Variants in BACH1 observed in about 807,000 individuals in gnomAD.
BACH1 encodes the protein BTB domain and CNC homolog 1.
A neutral mutation model predicts 52.9 loss-of-function variants in BACH1; 35 were observed. The ratio of observed to expected loss-of-function variants is 0.66; its 90% CI spans 0.51 to 0.88. The LOEUF is 0.88. Ranked by LOEUF, BACH1 falls within the 40% of genes least tolerant of loss-of-function variation. BACH1 has a pLI of 0.00. For missense variants in BACH1, 808 were observed against 872.6 expected (o/e 0.93, Z 0.93); for synonymous variants, 321 against 319.6 (o/e 1.00, Z -0.05).
chr21:29,313,173 A>T (rs1364492955), intron 1 of BACH1, among the ~76,000 whole-genome samples: 1 of 151,784 alleles, frequency 6.6e-6, no homozygotes, highest in Non-Finnish European at 1.5e-5. Context: ...ATACACTAAC[A>T]CTAACGATAG....
downstream of BACH1, among the ~76,000 whole-genome samples, chr21:29,350,099 G>A (rs916485559): frequency 6.6e-6 from 1 of 152,042 alleles, no homozygotes; most frequent in Non-Finnish European, 1.5e-5. Flanking sequence ...CTCACAGCCT[G>A]CTTTAAAACC....
intron 4 of BACH1, among the ~76,000 whole-genome samples, chr21:29,332,205 A>C (rs2088992524): frequency 6.6e-6 from 1 of 152,296 alleles, no homozygotes; most frequent in South Asian, 2.1e-4. Flanking sequence ...AAGTGCTGGG[A>C]TTACAGGTGT....
At chr21:29,313,655 T>G (rs914295848) in intron 1 of BACH1, among the ~76,000 whole-genome samples, 1 of 152,128 alleles carries the variant, frequency 6.6e-6, no homozygotes, top group African/African-American at 2.4e-5. Context: ...ACAACATGAA[T>G]GAACCTCAGA....
intron 2 of BACH1, among the ~76,000 whole-genome samples, chr21:29,354,843 T>G (rs1432231876): frequency 6.6e-6 from 1 of 152,130 alleles, no homozygotes; most frequent in East Asian, 1.9e-4. Context: ...TTTGAAGCTA[T>G]GTGAGAGGAA....
In BACH1 at chr21:29,344,634, TTGTGTG is replaced by T. The variant is rs10595449; in HGVS notation, c.*1831_*1836del. On this transcript the variant is annotated 3_prime_UTR_variant, in exon 5 of 5. Transcript: ENST00000286800. ...AGTGCATCCCATACTGCAAAAGAAT[TTGTGTG>T]TGTGTGTGTGTGTGTGTGTGTGTGT... 0.36 allele frequency: 53,039 copies of T among 149,164 alleles called. 9,519 individuals are homozygous for T. The highest frequency in any genetic ancestry group is 0.43 in the African/African-American group (17,484 of 40,694). The allele number at this position is 149,164 out of a possible 1,614,324, so 9.2% of individuals were successfully genotyped here.
intron 4 of BACH1, among the ~76,000 whole-genome samples, chr21:29,338,589 A>C (rs901445834): frequency 1.3e-5 from 2 of 152,044 alleles, no homozygotes; most frequent in Admixed American, 6.6e-5. Flanking sequence ...GCTCCTCTCA[A>C]AACTCCTGGG....
At chr21:29,355,511 G>A (rs2089228475) in intron 2 of BACH1, among the ~76,000 whole-genome samples, 1 of 152,222 alleles carries the variant, frequency 6.6e-6, no homozygotes, top group African/African-American at 2.4e-5. Flanking sequence ...GGAATTGGGC[G>A]ATGACTGCTC....
chr21:29,305,261 A>G (rs956050282), intron 1 of BACH1: 4 of 151,792 alleles, frequency 2.6e-5, no homozygotes, highest in African/African-American at 9.7e-5. Context: ...CTTTGCTGGC[A>G]TGCCTTCAGT....
Position 29,329,257 on chromosome 21 carries a change from A to C in BACH1, c.1570-230A>C, listed in dbSNP as rs148041841. Among the ~76,000 whole-genome samples, 492 of 152,302 alleles carry C rather than the reference A, an allele frequency of 3.2e-3. 2 individuals are homozygous for C. In the East Asian group the frequency reaches 0.049, roughly 15 times the overall value. On this transcript the variant is annotated intron_variant, in intron 3 of 4. Transcript: ENST00000286800. ...TAGGAGGTTGAGGCTGCAGTAAGCC[A>C]TGATTGTGCCACCGTACTCCTGCAT... is the stretch of plus-strand genomic sequence containing the variant.
At chr21:29,325,691 C>T (rs1244874513) in intron 2 of BACH1, among the ~76,000 whole-genome samples, 2 of 152,084 alleles carry the variant, frequency 1.3e-5, no homozygotes, top group Non-Finnish European at 2.9e-5. Flanking sequence ...GCTGGGCTAG[C>T]AGTAGACTCA....
Position 29,326,052 on chromosome 21 carries a change from T to A in BACH1, c.235-7T>A, listed in dbSNP as rs2088906827. 6.3e-7 allele frequency: 1 copy of A among 1,586,292 alleles called. No individual in the cohort carries two copies. The highest frequency in any genetic ancestry group is 1.4e-5 in the African/African-American group (1 of 73,430). On this transcript the variant is annotated splice_region_variant and splice_polypyrimidine_tract_variant and intron_variant, in intron 2 of 4. Coordinates refer to ENST00000286800, the MANE Select transcript of BACH1 (RefSeq NM_001186.4). ...GATGTGTTTGTTTTTATTTTGTGTA[T>A]CAACAGGTGACAGTTAAAGGATTTG... is the stretch of plus-strand genomic sequence containing the variant.
chr21:29,331,722 G>T (rs191575392), intron 4 of BACH1, among the ~76,000 whole-genome samples: 1 of 151,944 alleles, frequency 6.6e-6, no homozygotes, highest in Non-Finnish European at 1.5e-5. Flanking sequence ...GGTTTTCATC[G>T]GAAAAATAGG....
intron 2 of BACH1, chr21:29,360,907 C>T (rs1231290898): frequency 6.6e-6 from 1 of 152,274 alleles, no homozygotes; most frequent in Non-Finnish European, 1.5e-5. Flanking sequence ...ATTCTACCTC[C>T]AATCCCCATC....
rs151321858 is a variant in BACH1 at position 29,327,316 on chromosome 21, A to T, written c.1492A>T (p.Ile498Phe). The T allele has an allele frequency of 9.9e-4, 1,606 of 1,614,244 alleles. 19 individuals are homozygous for T. The highest frequency in any genetic ancestry group is 5.9e-3 in the Middle Eastern group (36 of 6,062). Residue 498 changes from isoleucine (I) to phenylalanine (F), a missense_variant, in exon 3 of 5, where the codon ATT becomes TTT. Coordinates refer to ENST00000286800, the MANE Select transcript of BACH1 (RefSeq NM_001186.4). ...QQEPCPYACVISLGDDSETDT... is the reference protein window; with the variant it reads ...QQEPCPYACVFSLGDDSETDT... The stretch of plus-strand genomic sequence containing the variant: ...AGAACCTTGCCCATATGCTTGTGTC[A>T]TTAGCTTGGGAGACGACTCTGAGAC...
chr21:29,328,754 G>A (rs1472656051), intron 3 of BACH1, among the ~76,000 whole-genome samples: 1 of 152,002 alleles, frequency 6.6e-6, no homozygotes, highest in Non-Finnish European at 1.5e-5. Flanking sequence ...CTGTTTCTGT[G>A]AGTTTGACTG....
At chr21:29,324,635 T>C (rs886307348) in intron 2 of BACH1, among the ~76,000 whole-genome samples, 5 of 151,798 alleles carry the variant, frequency 3.3e-5, no homozygotes, top group Admixed American at 2.6e-4. Flanking sequence ...TCAGGCTAAT[T>C]CTGGTTTTTG....
chr21:29,353,291 T>A (rs746471050), intron 2 of BACH1, among the ~76,000 whole-genome samples: 49 of 152,216 alleles, frequency 3.2e-4, no homozygotes, highest in Non-Finnish European at 6.8e-4. Context: ...ATAACCAATC[T>A]TGTATGGTTG....
At chr21:29,321,104 T>G in intron 1 of BACH1, 117 bp from the exon 2 acceptor site, 2 of 597,164 alleles carry the variant, frequency 3.3e-6, no homozygotes, top group Non-Finnish European at 2.9e-6. Flanking sequence ...AGGTTGTTCC[T>G]CTGGAGGTTT....
chr21:29,314,435 A>G (rs2088763109), intron 1 of BACH1, among the ~76,000 whole-genome samples: 1 of 152,184 alleles, frequency 6.6e-6, no homozygotes, highest in South Asian at 2.1e-4. Flanking sequence ...TAGTTTCATA[A>G]TTTCGAATAT....
Sources: gnomAD v4.1 joint callset for allele counts (sites outside exome capture counted in the v4.1 genomes callset) on GRCh38, gnomAD v4.1.1 for gene constraint, MANE v1.5 for transcripts, NCBI Gene and HGNC (gene_info 2026-07-23, HGNC 2026-07-21) for gene names.